The following TP73 variants were observed in gnomAD, a reference collection of about 807,000 sequenced individuals.
The protein encoded by TP73 is tumor protein p73, also known as p53-like transcription factor.
Under a neutral mutation model 62.5 loss-of-function variants are expected in TP73, and 25 were observed. That is an observed-to-expected ratio of 0.40 (90% CI 0.29 to 0.56). The LOEUF is 0.56. Among genes scored for constraint, TP73 ranks in the 20% least tolerant of loss-of-function variants. TP73 has a pLI of 0.46. For missense variants in TP73, 754 were observed against 913.3 expected, an observed-to-expected ratio of 0.83 and a Z score of 2.25; for synonymous variants, 423 against 377.5, an observed-to-expected ratio of 1.12 and a Z score of -1.40.
intron 1 of TP73, among the ~76,000 whole-genome samples, chr1:3,656,447 T>A (rs1325760883): frequency 6.6e-6 from 1 of 152,270 alleles, no homozygotes; most frequent in Non-Finnish European, 1.5e-5. Context: ...ATAACTCACA[T>A]TTAGCCCATG....
rs546571803 is a variant in TP73 at position 3,708,987 on chromosome 1, C to A, written c.429+1196C>A. On this transcript the variant is annotated intron_variant, in intron 4 of 13. Coordinates refer to ENST00000378295, the MANE Select transcript of TP73 (RefSeq NM_005427.4). Reference sequence around the variant, plus strand: ...TGAGCAAGGGGCCCCTCAGGTTTTTCCGCTTTAAGAATCGGGTCCCACTGC... The same window carrying A: ...TGAGCAAGGGGCCCCTCAGGTTTTTACGCTTTAAGAATCGGGTCCCACTGC... Among the ~76,000 whole-genome samples, 360 of 152,350 alleles carry A rather than the reference C, an allele frequency of 2.4e-3. 1 individual carries two copies. The highest frequency in any genetic ancestry group is 8.0e-3 in the African/African-American group (333 of 41,590).
intron 3 of TP73, among the ~76,000 whole-genome samples, chr1:3,685,402 C>T (rs960322461): frequency 1.3e-5 from 2 of 152,168 alleles, no homozygotes; most frequent in African/African-American, 2.4e-5. Flanking sequence ...TGTCTGGCAG[C>T]GACACGCCTC....
chr1:3,700,900 G>A (rs1557533340), intron 3 of TP73, among the ~76,000 whole-genome samples: 2 of 152,206 alleles, frequency 1.3e-5, no homozygotes, highest in Admixed American at 6.5e-5. Context: ...GAACCCATGC[G>A]GCGGGAGGGT....
At chr1:3,723,187 T>C (rs530938427) in intron 5 of TP73, among the ~76,000 whole-genome samples, 167 bp from the exon 6 acceptor site, 7 of 146,280 alleles carry the variant, frequency 4.8e-5, no homozygotes, top group Non-Finnish European at 9.0e-5. Flanking sequence ...GCACCTGACA[T>C]GGGGCTGGGC....
rs1191210122 is a variant in TP73 at position 3,663,990 on chromosome 1, C to A, written c.-34+11349C>A. The stretch of plus-strand genomic sequence containing the variant: ...GGGGTCGTGGCCGGCCCCCCTCCCT[C>A]CATGCCACAGGCTCTCTGGAGAGGC... On this transcript the variant is annotated intron_variant, in intron 1 of 13. Transcript: ENST00000378295. The surrounding 1 kb of genome is among the most constrained non-coding windows in gnomAD (Gnocchi z 4.7). Among the ~76,000 whole-genome samples, 1 of 152,202 alleles carries A rather than the reference C, an allele frequency of 6.6e-6. No individual in the cohort carries two copies. Among genetic ancestry groups the A allele is most frequent in the Non-Finnish European group, 1.5e-5 (1 of 68,040 alleles).
chr1:3,721,130 C>T (rs376586015), intron 4 of TP73, among the ~76,000 whole-genome samples: 1 of 152,218 alleles, frequency 6.6e-6, no homozygotes, highest in Non-Finnish European at 1.5e-5. Context: ...AGTGAGTGGA[C>T]GCCCCTGCAG....
At chr1:3,686,873 C>A (rs528864104) in intron 3 of TP73, among the ~76,000 whole-genome samples, 1 of 152,144 alleles carries the variant, frequency 6.6e-6, no homozygotes, top group Non-Finnish European at 1.5e-5. Context: ...CTATAAATGG[C>A]GCTACTGAGA....
intron 11 of TP73, 36 bp downstream of exon 11, chr1:3,730,184 G>C (rs1334000372): frequency 1.3e-6 from 2 of 1,483,014 alleles, no homozygotes; most frequent in Non-Finnish European, 1.8e-6. Flanking sequence ...CACGGGCAGG[G>C]CGGGGAGGCC....
intron 12 of TP73, among the ~76,000 whole-genome samples, 168 bp downstream of exon 12, chr1:3,731,233 G>C (rs1479603413): frequency 6.6e-6 from 1 of 152,222 alleles, no homozygotes; most frequent in Non-Finnish European, 1.5e-5. Context: ...CAGATGCTGG[G>C]GAAATGGTCC....
intron 4 of TP73, chr1:3,708,427 G>A (rs373155683): frequency 3.7e-4 from 57 of 155,312 alleles, no homozygotes; most frequent in African/African-American, 9.6e-4. Context: ...CAGTCTCCTC[G>A]AGCCAGGCAC....
intron 4 of TP73, among the ~76,000 whole-genome samples, chr1:3,715,011 C>A (rs944550498): frequency 6.6e-6 from 1 of 152,220 alleles, no homozygotes; most frequent in Non-Finnish European, 1.5e-5. Flanking sequence ...ACAGCGGCGA[C>A]CGGGTGGGGA....
At chr1:3,714,276 C>G (rs746784032) in intron 4 of TP73, 3 of 152,360 alleles carry the variant, frequency 2.0e-5, no homozygotes, top group Non-Finnish European at 4.4e-5. Flanking sequence ...GCTGCCAATT[C>G]CAGCCCCCAA....
At chr1:3,682,466 C>G in intron 2 of TP73, 36 bp downstream of exon 2, 1 of 1,445,410 alleles carries the variant, frequency 6.9e-7, no homozygotes, top group South Asian at 1.4e-5. Context: ...TGGGGGCCCC[C>G]CTGGGAGGCA....
chr1:3,725,395 GGGGTGGGTGGGGTGGATGA>G (rs1405587277), intron 6 of TP73, among the ~76,000 whole-genome samples: 2 of 149,256 alleles, frequency 1.3e-5, no homozygotes, highest in African/African-American at 5.0e-5. Context: ...TGGATGGATG[GGGGTGGGTGGGGTGGATGA>G]ATGGATGGAT....
At chr1:3,727,048 G>T (rs1384505796) in intron 6 of TP73, 67 bp from the exon 7 acceptor site, 25 of 1,391,432 alleles carry the variant, frequency 1.8e-5, no homozygotes, top group Non-Finnish European at 2.5e-5. Context: ...GGAGCTGGGG[G>T]CTGCCACCTT....
At chr1:3,732,417 G>C (rs1483182731) in intron 13 of TP73, among the ~76,000 whole-genome samples, 1 of 150,446 alleles carries the variant, frequency 6.6e-6, no homozygotes, top group Non-Finnish European at 1.5e-5. Context: ...AGAGGGTGTT[G>C]GGAGCTCAGG....
chr1:3,656,548 C>T (rs1361025345), intron 1 of TP73, among the ~76,000 whole-genome samples: 1 of 152,212 alleles, frequency 6.6e-6, no homozygotes, highest in Non-Finnish European at 1.5e-5. Context: ...TATAATTATG[C>T]CCATTTACAG....
intron 3 of TP73, among the ~76,000 whole-genome samples, chr1:3,700,109 A>G (rs1183005222): frequency 1.3e-5 from 2 of 151,934 alleles, no homozygotes; most frequent in East Asian, 3.9e-4. Context: ...TGTGGAGACA[A>G]AGGTTTCCGA....
intron 1 of TP73, among the ~76,000 whole-genome samples, chr1:3,664,383 G>C (rs1431193156): frequency 6.6e-6 from 1 of 152,230 alleles, no homozygotes; most frequent in African/African-American, 2.4e-5. Context: ...TGAGGTGTCA[G>C]GCAGGGTTGG....
Sources: allele counts gnomAD v4.1 joint callset (sites outside exome capture counted in the v4.1 genomes callset), GRCh38; gene constraint gnomAD v4.1.1; non-coding constraint Gnocchi (gnomAD v3.1); transcripts MANE v1.5; gene names NCBI Gene and HGNC (gene_info 2026-07-23, HGNC 2026-07-21).